ZIM2: variants seen among roughly 807,000 people sequenced by gnomAD.
The protein encoded by ZIM2 is zinc finger protein 656.
In ZIM2, 14 loss-of-function variants were observed where a neutral mutation model predicts 38.6. That is an observed-to-expected ratio of 0.36 (90% CI 0.24 to 0.57). The LOEUF is 0.57. Among genes scored for constraint, ZIM2 ranks in the 20% least tolerant of loss-of-function variants. The probability of loss-of-function intolerance (pLI) is 0.81; values close to 1 mark genes in which losing one functional copy is unlikely to be tolerated. For missense variants in ZIM2, 680 were observed against 695.1 expected, an observed-to-expected ratio of 0.98 and a Z score of 0.24; for synonymous variants, 247 against 245.8, an observed-to-expected ratio of 1.00 and a Z score of -0.04.
intron 10 of ZIM2, among the ~76,000 whole-genome samples, chr19:56,788,839 G>C (rs1440170602): frequency 1.3e-5 from 2 of 151,782 alleles, no homozygotes; most frequent in African/African-American, 4.8e-5. Flanking sequence ...TGGAGGCTTT[G>C]TTCATTTCTT....
intron 9 of ZIM2, 124 bp downstream of exon 9, chr19:56,817,622 A>G: frequency 6.5e-7 from 1 of 1,543,768 alleles, no homozygotes; most frequent in Non-Finnish European, 8.8e-7. Context: ...AGTCCCCATA[A>G]GAAGGACAGT....
intron 2 of ZIM2, among the ~76,000 whole-genome samples, chr19:56,833,956 G>A (rs1359397703): frequency 6.6e-6 from 1 of 152,102 alleles, no homozygotes; most frequent in East Asian, 1.9e-4. Flanking sequence ...TTACCACACT[G>A]CAGCAAAATC....
chr19:56,827,257 AAAAAT>A (rs1601135161), intron 2 of ZIM2, among the ~76,000 whole-genome samples: 2 of 152,236 alleles, frequency 1.3e-5, no homozygotes, highest in East Asian at 3.8e-4. Flanking sequence ...CTGTGCCAAA[AAAAAT>A]AAAACACATT....
At chr19:56,821,827 A>T in intron 6 of ZIM2, 73 bp from the exon 7 acceptor site, 5 of 1,522,404 alleles carry the variant, frequency 3.3e-6, no homozygotes, top group Non-Finnish European at 4.5e-6. Flanking sequence ...GTCCCACTCA[A>T]CTATGAAGCC....
chr19:56,812,696 T>A, intron 9 of ZIM2: 1 of 984,310 alleles, frequency 1.0e-6, no homozygotes, highest in Non-Finnish European at 1.2e-6. Context: ...TCAACCTTCA[T>A]TAGGCACTAC....
intron 9 of ZIM2, chr19:56,815,650 T>G (rs767214046): frequency 1.2e-6 from 2 of 1,614,190 alleles, no homozygotes; most frequent in Non-Finnish European, 8.5e-7. Context: ...CTTCTGGTAT[T>G]CACGGACATT....
chr19:56,792,024 G>GTTTT lies in ZIM2; in HGVS notation c.491-2077_491-2074dup, dbSNP rs36087082. On this transcript the variant is annotated intron_variant, in intron 9 of 12. Coordinates refer to ENST00000629319, the MANE Select transcript of ZIM2 (RefSeq NM_001387356.1). ...ATTAATGCCACAAGCAATCCCAGGA[G>GTTTT]TTTTTTTTTTTTTTTTGTAGTGTGT... Among the ~76,000 whole-genome samples, 9 of 134,614 alleles carry GTTTT rather than the reference G, an allele frequency of 6.7e-5. 1 individual carries two copies. The highest frequency in any genetic ancestry group is 1.3e-4 in the Non-Finnish European group (8 of 63,006). 88.3% of individuals were successfully genotyped at this position (134,614 alleles called of 152,430 possible).
chr19:56,818,708 A>ACAG lies in ZIM2; in HGVS notation c.295-9_295-7dup, dbSNP rs762664476. Reference sequence around the variant, plus strand: ...TTTTGGTATGATTCAGCATCCTAAAACAGCAAACACAGACCTCTCAATGGA... The same window carrying ACAG: ...TTTTGGTATGATTCAGCATCCTAAAACAGCAGCAAACACAGACCTCTCAATGGA... On this transcript the variant is annotated splice_polypyrimidine_tract_variant and splice_region_variant and intron_variant, in intron 7 of 12. Transcript: ENST00000629319. 6.2e-7 allele frequency: 1 copy of ACAG among 1,614,110 alleles called. No individual in the cohort carries two copies. Among genetic ancestry groups the ACAG allele is most frequent in the South Asian group, 1.1e-5 (1 of 91,080 alleles).
chr19:56,812,111 A>G, intron 9 of ZIM2: 20 of 974,708 alleles, frequency 2.1e-5, no homozygotes, highest in Non-Finnish European at 2.3e-5. Context: ...CATTTTGCAA[A>G]TCTTTTTTTT....
chr19:56,833,382 TC>T (rs1260499451), intron 2 of ZIM2: 1 of 351,258 alleles, frequency 2.8e-6, no homozygotes, highest in Non-Finnish European at 5.6e-6. Flanking sequence ...GTGTGTGGTC[TC>T]GTCTCTCTTC....
chr19:56,839,076 G>A (rs2146738674), intron 1 of ZIM2, among the ~76,000 whole-genome samples: 1 of 151,404 alleles, frequency 6.6e-6, no homozygotes, highest in Middle Eastern at 3.4e-3. Flanking sequence ...GCCTTGTCTC[G>A]CCCAACCAAC....
At chr19:56,806,330 C>G (rs533810596) in intron 9 of ZIM2, among the ~76,000 whole-genome samples, 1 of 152,192 alleles carries the variant, frequency 6.6e-6, no homozygotes, top group Non-Finnish European at 1.5e-5. Flanking sequence ...TATCTCATTA[C>G]TCTGACATCT....
intron 9 of ZIM2, chr19:56,813,356 A>C: frequency 8.9e-7 from 1 of 1,123,662 alleles, no homozygotes; most frequent in Non-Finnish European, 1.1e-6. Context: ...ACGTTACACA[A>C]GTGTCATTTA....
chr19:56,819,562 C>G (rs889845618), intron 7 of ZIM2, among the ~76,000 whole-genome samples: 1 of 152,066 alleles, frequency 6.6e-6, no homozygotes, highest in Non-Finnish European at 1.5e-5. Flanking sequence ...TGTGGGAAGC[C>G]CACAGGCTTT....
In ZIM2 at chr19:56,775,669, G is replaced by T. The variant is rs982148892; in HGVS notation, c.836-140C>A. 3 of 1,356,166 alleles carry T rather than the reference G, an allele frequency of 2.2e-6. No homozygotes were observed. In the African/African-American group the frequency reaches 4.4e-5, roughly 20 times the overall value. 84.0% of individuals were successfully genotyped at this position (1,356,166 alleles called of 1,614,324 possible). A position where few individuals can be genotyped will look rare whatever the true frequency, so the allele number is the denominator to read the frequency against. ...CTTTTCCTAATCTGAAAAAAAAAAA[G>T]TAAAAATTCCTCTATTCTTTTTACT... On this transcript the variant is annotated intron_variant, in intron 12 of 12. Coordinates refer to ENST00000629319, the MANE Select transcript of ZIM2 (RefSeq NM_001387356.1).
rs563730625 is a variant in ZIM2 at position 56,830,742 on chromosome 19, A to G, written c.-226-4279T>C. On this transcript the variant is annotated intron_variant, in intron 2 of 12. Coordinates refer to ENST00000629319, the MANE Select transcript of ZIM2 (RefSeq NM_001387356.1). The stretch of plus-strand genomic sequence containing the variant: ...AAATAAATTTAACAAAGTTACCTGC[A>G]ACTTCAAACAAAATTTCAAAAATTT... Among the ~76,000 whole-genome samples the G allele has an allele frequency of 7.2e-5, 11 of 152,156 alleles. No homozygotes were observed. In the East Asian group the frequency reaches 1.9e-3, roughly 27 times the overall value.
Position 56,824,298 on chromosome 19 carries a change from G to C in ZIM2, c.-21C>G, listed in dbSNP as rs199583089. Reference sequence around the variant, plus strand: ...TACATCTCCTTGTAATTCTCCAGCAGAGTGACGAGCTTCTCACAGTTCTCC... The same window carrying C: ...TACATCTCCTTGTAATTCTCCAGCACAGTGACGAGCTTCTCACAGTTCTCC... On this transcript the variant is annotated 5_prime_UTR_variant, in exon 4 of 13. Transcript: ENST00000629319. 1 of 1,614,104 alleles carries C rather than the reference G, an allele frequency of 6.2e-7. No homozygotes were observed. Among genetic ancestry groups the C allele is most frequent in the Non-Finnish European group, 8.5e-7 (1 of 1,180,034 alleles).
chr19:56,789,971 A>G lies in ZIM2; in HGVS notation c.491-20T>C. On this transcript the variant is annotated intron_variant, in intron 9 of 12. Transcript: ENST00000629319. The stretch of plus-strand genomic sequence containing the variant: ...GGAAACCTAGAAGGGAGAGAGGAAT[A>G]CCATGGAATTGAGTCCTGTCTGGTA... The G allele has an allele frequency of 6.6e-7, 1 of 1,519,786 alleles. No individual in the cohort carries two copies. Among genetic ancestry groups the G allele is most frequent in the Non-Finnish European group, 8.9e-7 (1 of 1,118,276 alleles). 94.1% of individuals were successfully genotyped at this position (1,519,786 alleles called of 1,614,324 possible).
intron 1 of ZIM2, among the ~76,000 whole-genome samples, chr19:56,839,434 C>T (rs2062690415): frequency 6.7e-6 from 1 of 150,116 alleles, no homozygotes. Flanking sequence ...AGGGCCTGAA[C>T]AGATCGTCAC....
Sources: allele counts gnomAD v4.1 joint callset (sites outside exome capture counted in the v4.1 genomes callset), GRCh38; gene constraint gnomAD v4.1.1; transcripts MANE v1.5; gene names NCBI Gene and HGNC (gene_info 2026-07-23, HGNC 2026-07-21).